UGGT2: variants seen among roughly 807,000 people sequenced by gnomAD.
UGGT2 encodes UDP-glucose:glycoprotein glucosyltransferase 2.
In UGGT2, 180 loss-of-function variants were observed where a neutral mutation model predicts 192.1. The ratio of observed to expected loss-of-function variants is 0.94; its 90% CI spans 0.83 to 1.06. The LOEUF (loss-of-function observed/expected upper bound fraction) is 1.06, where lower values mean the gene tolerates loss of function less well. UGGT2 is among the 50% of genes least tolerant of loss of function. The pLI, the probability that UGGT2 is intolerant of heterozygous loss-of-function variation, is 0.00. For synonymous variants in UGGT2, 580 were observed against 591.0 expected (o/e 0.98, Z 0.27); for missense variants, 1,849 against 1,795.7 (o/e 1.03, Z -0.54).
At chr13:96,008,612 A>C (rs1049918092) in intron 5 of UGGT2, among the ~76,000 whole-genome samples, 1 of 152,234 alleles carries the variant, frequency 6.6e-6, no homozygotes, top group African/African-American at 2.4e-5. Flanking sequence ...CCAAATCAGG[A>C]ATGTAATCCC....
chr13:96,017,592 C>G (rs1351254684), intron 4 of UGGT2, among the ~76,000 whole-genome samples: 1 of 152,100 alleles, frequency 6.6e-6, no homozygotes, highest in African/African-American at 2.4e-5. Context: ...TCGGTACATA[C>G]CAGTAATTTT....
intron 7 of UGGT2, 108 bp downstream of exon 7, chr13:95,995,955 C>G: frequency 1.1e-6 from 1 of 921,816 alleles, no homozygotes; most frequent in Non-Finnish European, 1.7e-6. Context: ...TGTGTTTGTA[C>G]TTTCTACATA....
intron 38 of UGGT2, among the ~76,000 whole-genome samples, chr13:95,827,524 C>T (rs1203635329): frequency 6.6e-6 from 1 of 152,110 alleles, no homozygotes; most frequent in Non-Finnish European, 1.5e-5. Context: ...CCTGTGGACA[C>T]CTTCATCTTG....
chr13:96,027,913 A>G (rs1049767966), intron 2 of UGGT2, among the ~76,000 whole-genome samples: 4 of 152,194 alleles, frequency 2.6e-5, no homozygotes, highest in African/African-American at 7.2e-5. Flanking sequence ...GATAACAGCA[A>G]TCACTTACAA....
chr13:95,838,749 T>C (rs921183730), intron 36 of UGGT2, among the ~76,000 whole-genome samples: 3 of 152,130 alleles, frequency 2.0e-5, no homozygotes, highest in African/African-American at 7.2e-5. Flanking sequence ...ACACCCTTAG[T>C]TCCTTGGAAT....
chr13:95,905,690 G>T (rs1416578338), intron 20 of UGGT2, among the ~76,000 whole-genome samples: 1 of 152,188 alleles, frequency 6.6e-6, no homozygotes, highest in East Asian at 1.9e-4. Context: ...TGCTGTTTTG[G>T]TTACTGTAGC....
At chr13:95,951,031 T>TTCA (rs2050044927) in intron 12 of UGGT2, among the ~76,000 whole-genome samples, 1 of 152,186 alleles carries the variant, frequency 6.6e-6, no homozygotes, top group Admixed American at 6.5e-5. Context: ...TCTACAGTAA[T>TTCA]TCAGATAATC....
Position 95,860,879 on chromosome 13 carries a change from T to C in UGGT2, c.3649A>G (p.Thr1217Ala). 6.5e-7 allele frequency: 1 copy of C among 1,549,022 alleles called. No individual in the cohort carries two copies. The highest frequency in any genetic ancestry group is 1.3e-5 in the South Asian group (1 of 77,162). Residue 1217 changes from threonine (T) to alanine (A), a missense_variant, in exon 32 of 39, where the codon ACA becomes GCA. Transcript: ENST00000376747. Reference sequence around the variant, plus strand: ...TTGTTTTCTTTATGCAAGCTTACTGTGAAACTTGGAATAAAAAAGTAATTG... The same window carrying C: ...TTGTTTTCTTTATGCAAGCTTACTGCGAAACTTGGAATAAAAAAGTAATTG... ...KGLWDSIKSF[T>A]VSLHKENKKE...
At chr13:95,827,780 A>G (rs1886197208) in intron 38 of UGGT2, among the ~76,000 whole-genome samples, 1 of 152,172 alleles carries the variant, frequency 6.6e-6, no homozygotes, top group African/African-American at 2.4e-5. Context: ...ACTTAGCACT[A>G]GATACTGACC....
At chr13:95,946,686 A>C (rs2049882820) in intron 15 of UGGT2, among the ~76,000 whole-genome samples, 1 of 152,122 alleles carries the variant, frequency 6.6e-6, no homozygotes, top group South Asian at 2.1e-4. Flanking sequence ...TGATCTCTTT[A>C]ATCAAAGCCT....
intron 38 of UGGT2, among the ~76,000 whole-genome samples, chr13:95,808,541 A>G (rs1386493510): frequency 1.3e-5 from 2 of 151,950 alleles, no homozygotes; most frequent in African/African-American, 4.8e-5. Context: ...GTCGAGGATC[A>G]GCACACAGAC....
chr13:96,038,172 T>C (rs1404593821), intron 1 of UGGT2, among the ~76,000 whole-genome samples: 1 of 152,230 alleles, frequency 6.6e-6, no homozygotes, highest in Non-Finnish European at 1.5e-5. Context: ...TGGCTTAAAG[T>C]ATACCTTTCC....
At chr13:95,964,857 C>A (rs1036015184) in intron 12 of UGGT2, among the ~76,000 whole-genome samples, 3 of 146,272 alleles carry the variant, frequency 2.1e-5, no homozygotes, top group Non-Finnish European at 4.5e-5. Context: ...TGACAAAGGG[C>A]TAATATCCAG....
chr13:95,997,448 G>A (rs974979675), intron 6 of UGGT2, among the ~76,000 whole-genome samples: 8 of 152,082 alleles, frequency 5.3e-5, no homozygotes, highest in African/African-American at 1.9e-4. Flanking sequence ...TTCAATACCA[G>A]CCTGGCCAAC....
At chr13:95,928,091 A>G (rs996475839) in intron 17 of UGGT2, among the ~76,000 whole-genome samples, 2 of 152,166 alleles carry the variant, frequency 1.3e-5, no homozygotes, top group Non-Finnish European at 2.9e-5. Flanking sequence ...TAACAATCTG[A>G]TCTCTCTTTC....
At chr13:95,864,121 C>T (rs953627488) in intron 30 of UGGT2, among the ~76,000 whole-genome samples, 1 of 152,022 alleles carries the variant, frequency 6.6e-6, no homozygotes, top group Non-Finnish European at 1.5e-5. Context: ...TGTTTATCTT[C>T]GGTTCTTCTA....
intron 10 of UGGT2, among the ~76,000 whole-genome samples, chr13:95,973,309 ATAGAT>A (rs1443822205): frequency 1.3e-5 from 2 of 152,216 alleles, no homozygotes; most frequent in African/African-American, 4.8e-5. Flanking sequence ...GAATCTTAAG[ATAGAT>A]TAGAGATAAA....
At chr13:95,899,167 G>A (rs2048032328) in intron 22 of UGGT2, among the ~76,000 whole-genome samples, 1 of 152,198 alleles carries the variant, frequency 6.6e-6, no homozygotes, top group Non-Finnish European at 1.5e-5. Flanking sequence ...GAAGCAGAGA[G>A]CAGCCCTCAC....
At chr13:95,899,899 T>C (rs1371270789) in intron 22 of UGGT2, among the ~76,000 whole-genome samples, 2 of 152,068 alleles carry the variant, frequency 1.3e-5, no homozygotes, top group African/African-American at 4.8e-5. Flanking sequence ...GTGAACAGAA[T>C]TCAAAAGTAA....
Sources: allele counts gnomAD v4.1 joint callset (sites outside exome capture counted in the v4.1 genomes callset), GRCh38; gene constraint gnomAD v4.1.1; transcripts MANE v1.5; gene names NCBI Gene and HGNC (gene_info 2026-07-23, HGNC 2026-07-21).